Variants in FILIP1 observed in about 807,000 individuals in gnomAD.
FILIP1 encodes the protein filamin-A-interacting protein 1.
A neutral mutation model predicts 102.1 loss-of-function variants in FILIP1; 61 were observed. The ratio of observed to expected loss-of-function variants is 0.60; its 90% CI spans 0.49 to 0.74. The LOEUF is 0.74. FILIP1 is among the 30% of genes least tolerant of loss of function. The probability of loss-of-function intolerance (pLI) is 0.00; values close to 1 mark genes in which losing one functional copy is unlikely to be tolerated. For missense variants in FILIP1, 1,314 were observed against 1,441.2 expected, an observed-to-expected ratio of 0.91 and a Z score of 1.43; for synonymous variants, 491 against 526.9, an observed-to-expected ratio of 0.93 and a Z score of 0.93.
At chr6:75,331,511 A>G (rs1774081420) in intron 4 of FILIP1, among the ~76,000 whole-genome samples, 1 of 152,314 alleles carries the variant, frequency 6.6e-6, no homozygotes, top group African/African-American at 2.4e-5. Flanking sequence ...TTGCAAGGCT[A>G]TGTTAAATGC....
chr6:75,483,030 CA>C (rs5877456), intron 1 of FILIP1, among the ~76,000 whole-genome samples: 266 of 145,708 alleles, frequency 1.8e-3, no homozygotes, highest in Middle Eastern at 7.0e-3. Context: ...CTTTCTATTG[CA>C]AAAAAAAAAA....
chr6:75,409,801 C>T (rs1034389101), intron 2 of FILIP1, among the ~76,000 whole-genome samples: 2 of 152,092 alleles, frequency 1.3e-5, no homozygotes, highest in Non-Finnish European at 2.9e-5. Flanking sequence ...AACTGACTGA[C>T]CCCACCTGGA....
intron 4 of FILIP1, among the ~76,000 whole-genome samples, chr6:75,351,176 C>T (rs1480740644): frequency 1.3e-5 from 2 of 152,072 alleles, no homozygotes; most frequent in Non-Finnish European, 2.9e-5. Context: ...AAGCAATTCT[C>T]CTGCGTCAGG....
At chr6:75,355,296 A>C (rs1157459381) in intron 3 of FILIP1, among the ~76,000 whole-genome samples, 1 of 152,120 alleles carries the variant, frequency 6.6e-6, no homozygotes, top group African/African-American at 2.4e-5. Flanking sequence ...CTCCATCTCA[A>C]AAACCAAAAC....
At chr6:75,340,270 A>G (rs1269246700) in intron 4 of FILIP1, among the ~76,000 whole-genome samples, 1 of 152,298 alleles carries the variant, frequency 6.6e-6, no homozygotes, top group East Asian at 1.9e-4. Flanking sequence ...TTGGAAACTT[A>G]AAATGTAAAT....
intron 4 of FILIP1, among the ~76,000 whole-genome samples, chr6:75,349,569 G>A (rs1177719740): frequency 6.6e-6 from 1 of 152,232 alleles, no homozygotes; most frequent in Non-Finnish European, 1.5e-5. Context: ...TTTGCTCACA[G>A]GGACTTTTCG....
chr6:75,321,610 C>A (rs527446533), intron 4 of FILIP1, among the ~76,000 whole-genome samples: 1 of 151,994 alleles, frequency 6.6e-6, no homozygotes, highest in Non-Finnish European at 1.5e-5. Flanking sequence ...CTGGCTAAAA[C>A]GGTGAAACCC....
At chr6:75,385,519 A>G (rs1776061187) in intron 2 of FILIP1, 1 of 152,130 alleles carries the variant, frequency 6.6e-6, no homozygotes, top group South Asian at 2.1e-4. Flanking sequence ...AGCAATAGGA[A>G]TGTGTTTACT....
At chr6:75,351,292 A>AGGTGATCT (rs1774798010) in intron 4 of FILIP1, among the ~76,000 whole-genome samples, 3 of 152,034 alleles carry the variant, frequency 2.0e-5, no homozygotes, top group Admixed American at 6.5e-5. Flanking sequence ...CGAACTCCTG[A>AGGTGATCT]CCCCAGGTGA....
intron 4 of FILIP1, among the ~76,000 whole-genome samples, chr6:75,350,504 A>T (rs190686797): frequency 1.4e-3 from 208 of 150,354 alleles, no homozygotes; most frequent in African/African-American, 4.9e-3. Flanking sequence ...TCTATGAGAG[A>T]GGGGATTAAA....
intron 4 of FILIP1, chr6:75,319,004 GA>G (rs921698244): frequency 5.7e-5 from 37 of 646,262 alleles, no homozygotes; most frequent in South Asian, 1.3e-4. Flanking sequence ...TTATAGACAT[GA>G]AAAAAAACTG....
At chr6:75,306,670 C>A (rs1772994831), downstream of FILIP1, among the ~76,000 whole-genome samples, 1 of 152,150 alleles carries the variant, frequency 6.6e-6, no homozygotes, top group African/African-American at 2.4e-5. Flanking sequence ...ATAAAATGTT[C>A]TTTCTCAGTC....
intron 2 of FILIP1, among the ~76,000 whole-genome samples, chr6:75,409,451 C>A (rs1776980592): frequency 6.6e-6 from 1 of 152,144 alleles, no homozygotes; most frequent in African/African-American, 2.4e-5. Flanking sequence ...CACAAGCAGG[C>A]TGACCTCACT....
chr6:75,484,553 A>T (rs958938602), intron 1 of FILIP1, among the ~76,000 whole-genome samples: 1 of 152,190 alleles, frequency 6.6e-6, no homozygotes, highest in Non-Finnish European at 1.5e-5. Context: ...AAATAGACCA[A>T]TACTTGGGCA....
At chr6:75,311,839 T>C (rs1773197467) in intron 5 of FILIP1, among the ~76,000 whole-genome samples, 1 of 152,244 alleles carries the variant, frequency 6.6e-6, no homozygotes, top group Non-Finnish European at 1.5e-5. Flanking sequence ...ACGTGCTGTC[T>C]GCAAGATATG....
At chr6:75,337,501 A>G (rs924964108) in intron 4 of FILIP1, among the ~76,000 whole-genome samples, 2 of 152,220 alleles carry the variant, frequency 1.3e-5, no homozygotes, top group Non-Finnish European at 2.9e-5. Flanking sequence ...GTATGTGGGC[A>G]ATCACTGGGC....
intron 1 of FILIP1, chr6:75,465,516 G>A: frequency 1.3e-6 from 1 of 778,132 alleles, no homozygotes; most frequent in East Asian, 2.9e-5. Flanking sequence ...GCCTAATAAT[G>A]TCTAAAGAAA....
chr6:75,420,014 T>C (rs1318571263), intron 1 of FILIP1, among the ~76,000 whole-genome samples: 1 of 152,164 alleles, frequency 6.6e-6, no homozygotes, highest in Non-Finnish European at 1.5e-5. Flanking sequence ...TAACTAAGGT[T>C]TTTACTTAAA....
intron 1 of FILIP1, among the ~76,000 whole-genome samples, chr6:75,441,136 G>A (rs1259470576): frequency 4.6e-5 from 7 of 151,890 alleles, no homozygotes; most frequent in South Asian, 2.1e-4. Context: ...GCGGCCTTCC[G>A]CGGTGTTTGT....
Sources: allele counts gnomAD v4.1 joint callset (sites outside exome capture counted in the v4.1 genomes callset), GRCh38; gene constraint gnomAD v4.1.1; transcripts MANE v1.5; gene names NCBI Gene and HGNC (gene_info 2026-07-23, HGNC 2026-07-21).